Variants in PRKG1 observed in about 807,000 individuals in gnomAD.
PRKG1 encodes the protein cGMP-dependent protein kinase 1.
A neutral mutation model predicts 88.1 loss-of-function variants in PRKG1; 35 were observed. The observed-to-expected ratio is 0.40, with a 90% CI of 0.30 to 0.53. The LOEUF (loss-of-function observed/expected upper bound fraction) is 0.53. Ranked by LOEUF, PRKG1 falls within the 20% of genes least tolerant of loss-of-function variation. The pLI is 0.59. For missense variants in PRKG1, 540 were observed against 839.8 expected, an observed-to-expected ratio of 0.64 and a Z score of 4.41; for synonymous variants, 303 against 292.5, an observed-to-expected ratio of 1.04 and a Z score of -0.37.
At chr10:52,079,473 C>T (rs1356873895) in intron 7 of PRKG1, among the ~76,000 whole-genome samples, 1 of 152,156 alleles carries the variant, frequency 6.6e-6, no homozygotes. Flanking sequence ...GCCTGCACAT[C>T]TCCTTCTAGA....
At chr10:52,128,737 A>G (rs1172295371) in intron 7 of PRKG1, among the ~76,000 whole-genome samples, 5 of 152,214 alleles carry the variant, frequency 3.3e-5, no homozygotes, top group Non-Finnish European at 7.3e-5. Flanking sequence ...TTAATCTGCC[A>G]AACAGTAGCT....
intron 2 of PRKG1, among the ~76,000 whole-genome samples, chr10:51,338,189 A>C (rs1490753499): frequency 6.6e-5 from 10 of 152,184 alleles, no homozygotes; most frequent in Non-Finnish European, 1.5e-4. Flanking sequence ...AAGGAGGGGA[A>C]CAACACACAC....
At chr10:51,858,612 G>A (rs1241078499) in intron 4 of PRKG1, among the ~76,000 whole-genome samples, 1 of 148,950 alleles carries the variant, frequency 6.7e-6, no homozygotes, top group Non-Finnish European at 1.5e-5. Context: ...TGTTGTAACT[G>A]GTACCATAGG....
chr10:51,652,298 G>A (rs1040957382), intron 3 of PRKG1, among the ~76,000 whole-genome samples: 1 of 139,910 alleles, frequency 7.1e-6, no homozygotes, highest in Non-Finnish European at 1.5e-5. Context: ...ACTAATGTTA[G>A]TTAAGTGATT....
intron 2 of PRKG1, among the ~76,000 whole-genome samples, chr10:51,373,314 T>C (rs1842741365): frequency 6.6e-6 from 1 of 152,248 alleles, no homozygotes; most frequent in African/African-American, 2.4e-5. Context: ...CTGAGCCCTC[T>C]GCTTCTGGGT....
intron 5 of PRKG1, among the ~76,000 whole-genome samples, chr10:51,986,035 C>T (rs563414679): frequency 1.3e-5 from 2 of 152,130 alleles, no homozygotes; most frequent in African/African-American, 4.8e-5. Context: ...TGTCATTTAC[C>T]GGTGACAGCA....
At chr10:51,046,099 C>A (rs1195011594) in intron 1 of PRKG1, among the ~76,000 whole-genome samples, 1 of 152,234 alleles carries the variant, frequency 6.6e-6, no homozygotes, top group East Asian at 1.9e-4. Flanking sequence ...CTGAAGCCAA[C>A]ATTTTTGCAC....
At chr10:51,720,765 A>G (rs1055774338) in intron 3 of PRKG1, among the ~76,000 whole-genome samples, 7 of 152,176 alleles carry the variant, frequency 4.6e-5, no homozygotes, top group African/African-American at 1.4e-4. Context: ...CACACTCTTA[A>G]TAGTTATAAT....
intron 2 of PRKG1, among the ~76,000 whole-genome samples, chr10:51,321,946 A>G (rs1489576794): frequency 6.6e-6 from 1 of 152,204 alleles, no homozygotes. Context: ...CACAGATGGT[A>G]AGTCTTAGGA....
chr10:51,860,092 C>A (rs1937713), intron 4 of PRKG1, among the ~76,000 whole-genome samples: 40,622 of 151,958 alleles, frequency 0.27, 5,958 homozygotes, highest in Non-Finnish European at 0.33. Context: ...TTCTTCAAGT[C>A]ATCCAAAAAT....
intron 7 of PRKG1, among the ~76,000 whole-genome samples, chr10:52,130,266 AT>A (rs1255213900): frequency 6.6e-6 from 1 of 152,052 alleles, no homozygotes; most frequent in African/African-American, 2.4e-5. Context: ...AAAATTTTCT[AT>A]TTCTGTTAAC....
At chr10:51,178,077 A>G (rs1457384085) in intron 2 of PRKG1, among the ~76,000 whole-genome samples, 1 of 152,202 alleles carries the variant, frequency 6.6e-6, no homozygotes, top group Non-Finnish European at 1.5e-5. Flanking sequence ...GCAAGGGAAG[A>G]CAGTTATTTT....
chr10:51,862,728 G>A (rs1840914464), intron 4 of PRKG1, among the ~76,000 whole-genome samples: 1 of 151,992 alleles, frequency 6.6e-6, no homozygotes, highest in South Asian at 2.1e-4. Context: ...TTCAAGGTTG[G>A]GTTTCTCTGG....
At chr10:51,970,331 A>G (rs557169224) in intron 5 of PRKG1, among the ~76,000 whole-genome samples, 77 of 152,036 alleles carry the variant, frequency 5.1e-4, no homozygotes, top group African/African-American at 1.8e-3. Context: ...GTATAGGATC[A>G]AGTATTACAT....
chr10:51,395,028 C>T (rs984287076), intron 2 of PRKG1, among the ~76,000 whole-genome samples: 42 of 152,270 alleles, frequency 2.8e-4, no homozygotes, highest in African/African-American at 8.9e-4. Context: ...GGGAAACTTG[C>T]TTTATAATGC....
chr10:51,862,411 A>G (rs888134067), intron 4 of PRKG1, among the ~76,000 whole-genome samples: 4 of 152,136 alleles, frequency 2.6e-5, no homozygotes, highest in Non-Finnish European at 5.9e-5. Flanking sequence ...TATGATCAAG[A>G]AGAATGACCA....
chr10:51,179,393 G>A (rs779918460), intron 2 of PRKG1, among the ~76,000 whole-genome samples: 5 of 152,178 alleles, frequency 3.3e-5, no homozygotes, highest in Admixed American at 2.0e-4. Flanking sequence ...TTTAGAGAAG[G>A]TTATAGGATA....
chr10:51,444,753 T>C (rs1201338895), intron 2 of PRKG1, among the ~76,000 whole-genome samples: 1 of 151,948 alleles, frequency 6.6e-6, no homozygotes, highest in Non-Finnish European at 1.5e-5. Context: ...GCTTCTATAA[T>C]GCATTATTTG....
intron 9 of PRKG1, among the ~76,000 whole-genome samples, chr10:52,217,531 C>T (rs1044109472): frequency 9.9e-5 from 15 of 152,150 alleles, no homozygotes; most frequent in South Asian, 4.1e-4. Flanking sequence ...TCAAATGGTA[C>T]ATAGAGAGAT....
Sources: allele counts gnomAD v4.1 joint callset (sites outside exome capture counted in the v4.1 genomes callset), GRCh38; gene constraint gnomAD v4.1.1; transcripts MANE v1.5; gene names NCBI Gene and HGNC (gene_info 2026-07-23, HGNC 2026-07-21).